Variants in ERBB4 observed in about 807,000 individuals in gnomAD.
The protein encoded by ERBB4 is erb-b2 receptor tyrosine kinase 4.
Under a neutral mutation model 158.0 loss-of-function variants are expected in ERBB4, and 42 were observed. The ratio of observed to expected loss-of-function variants is 0.27; its 90% CI spans 0.21 to 0.34. ERBB4 has a LOEUF of 0.34. Ranked by LOEUF, ERBB4 falls within the 10% of genes least tolerant of loss-of-function variation. ERBB4 has a pLI of 1.00. For missense variants in ERBB4, 1,333 were observed against 1,624.1 expected (o/e 0.82, Z 3.08); for synonymous variants, 583 against 558.7 (o/e 1.04, Z -0.61).
Position 211,551,919 on chromosome 2 carries a change from G to A in ERBB4, c.2487+9984C>T, listed in dbSNP as rs532844460. The stretch of plus-strand genomic sequence containing the variant: ...AAGAAGGTAAATGAAGGCTCTGCTC[G>A]TGTAACATATTCAAGCCTTAAGGAA... On this transcript the variant is annotated intron_variant, in intron 20 of 27. Coordinates refer to ENST00000342788, the MANE Select transcript of ERBB4 (RefSeq NM_005235.3). 3.9e-5 allele frequency among the ~76,000 whole-genome samples: 6 copies of A among 152,278 alleles called. No individual in the cohort carries two copies. In the East Asian group the frequency reaches 9.6e-4, roughly 24 times the overall value.
At chr2:212,152,084 T>C (rs1235067770) in intron 1 of ERBB4, among the ~76,000 whole-genome samples, 3 of 152,186 alleles carry the variant, frequency 2.0e-5, no homozygotes. Context: ...TAGATAAGCA[T>C]ATTTAATAGA....
intron 19 of ERBB4, among the ~76,000 whole-genome samples, chr2:211,596,272 C>G (rs73988610): frequency 0.015 from 2,276 of 151,304 alleles, 69 homozygotes; most frequent in African/African-American, 0.05. Context: ...CTTGCTCTGA[C>G]AAATATCAAA....
At chr2:212,348,314 A>G (rs1198162073) in intron 1 of ERBB4, among the ~76,000 whole-genome samples, 2 of 152,130 alleles carry the variant, frequency 1.3e-5, no homozygotes. Context: ...TAGCTGCTGG[A>G]AAGTGTGGCC....
In ERBB4 at chr2:211,913,817, T is replaced by C. The variant is rs145544650; in HGVS notation, c.421+33613A>G. 6.1e-4 allele frequency among the ~76,000 whole-genome samples: 93 copies of C among 151,236 alleles called. 1 individual carries two copies. In the East Asian group the frequency reaches 0.016, roughly 26 times the overall value. On this transcript the variant is annotated intron_variant, in intron 3 of 27. Coordinates refer to ENST00000342788, the MANE Select transcript of ERBB4 (RefSeq NM_005235.3). ...GACTATGAGTGTATCAATTAGAAAA[T>C]AAACAAAATTAACAAATTTTTCTTT...
intron 1 of ERBB4, among the ~76,000 whole-genome samples, chr2:212,529,666 G>A (rs1692642766): frequency 6.6e-6 from 1 of 152,112 alleles, no homozygotes; most frequent in African/African-American, 2.4e-5. Context: ...GAGCTTATAT[G>A]TATGTGGCAC....
chr2:212,304,106 A>G (rs1228895542), intron 1 of ERBB4, among the ~76,000 whole-genome samples: 3 of 151,564 alleles, frequency 2.0e-5, no homozygotes, highest in Non-Finnish European at 4.4e-5. Flanking sequence ...TTTGTTGTGG[A>G]GAATGTGACT....
chr2:212,165,311 A>AAT (rs148992312), intron 1 of ERBB4, among the ~76,000 whole-genome samples: 16,997 of 150,828 alleles, frequency 0.11, 1,137 homozygotes, highest in Non-Finnish European at 0.15. Context: ...TTTTTGCATT[A>AAT]ATATATATAT....
At chr2:212,495,976 T>C (rs1355484547) in intron 1 of ERBB4, among the ~76,000 whole-genome samples, 1 of 152,136 alleles carries the variant, frequency 6.6e-6, no homozygotes, top group African/African-American at 2.4e-5. Context: ...TATTTCCCTA[T>C]ATTTGGTATT....
intron 1 of ERBB4, among the ~76,000 whole-genome samples, chr2:212,478,904 T>C (rs1272537194): frequency 6.6e-6 from 1 of 152,202 alleles, no homozygotes; most frequent in African/African-American, 2.4e-5. Context: ...TTAGCTTGTC[T>C]TCTTCAGCTC....
chr2:211,516,004 T>C (rs2066021072), intron 20 of ERBB4, among the ~76,000 whole-genome samples: 1 of 145,380 alleles, frequency 6.9e-6, no homozygotes, highest in Non-Finnish European at 1.5e-5. Context: ...AAGCTCTGCC[T>C]CCCAGGTTCA....
In ERBB4 at chr2:212,359,391, T is replaced by C. The variant is rs950717426; in HGVS notation, c.82+179058A>G. ...GCCTGAAGGTTCAGATAGGTTTCTATCAGAAATAAAGTGGAAGGTTTAGAA... is the reference window on the plus strand; with the variant it reads ...GCCTGAAGGTTCAGATAGGTTTCTACCAGAAATAAAGTGGAAGGTTTAGAA... On this transcript the variant is annotated intron_variant, in intron 1 of 27. Transcript: ENST00000342788. Among the ~76,000 whole-genome samples the C allele has an allele frequency of 3.3e-5, 5 of 151,694 alleles. No homozygotes were observed. In the East Asian group the frequency reaches 5.8e-4, roughly 18 times the overall value.
intron 3 of ERBB4, among the ~76,000 whole-genome samples, chr2:211,850,236 C>T (rs1216009528): frequency 1.3e-5 from 2 of 151,778 alleles, no homozygotes; most frequent in African/African-American, 4.8e-5. Context: ...TGGGTTGGTG[C>T]TTAAATTGTA....
chr2:211,646,888 T>C (rs1482035081), intron 16 of ERBB4, among the ~76,000 whole-genome samples: 1 of 151,698 alleles, frequency 6.6e-6, no homozygotes. Context: ...TTGCAAATTA[T>C]TGATGATTTG....
chr2:212,519,587 T>C (rs1200208555), intron 1 of ERBB4, among the ~76,000 whole-genome samples: 2 of 152,016 alleles, frequency 1.3e-5, no homozygotes, highest in Admixed American at 6.6e-5. Context: ...ATACCTAATG[T>C]AGATGACTAT....
chr2:212,328,701 C>T (rs1361029061), intron 1 of ERBB4, among the ~76,000 whole-genome samples: 2 of 151,992 alleles, frequency 1.3e-5, no homozygotes, highest in Admixed American at 6.6e-5. Context: ...TTCTGATACA[C>T]TTCAAGAAAT....
At chr2:211,992,783 C>A (rs1370347127) in intron 2 of ERBB4, among the ~76,000 whole-genome samples, 1 of 152,138 alleles carries the variant, frequency 6.6e-6, no homozygotes, top group East Asian at 1.9e-4. Context: ...ATGCCCCATA[C>A]ACCAGTGTGT....
chr2:211,805,027 C>A (rs916453631), intron 3 of ERBB4, among the ~76,000 whole-genome samples: 1 of 150,384 alleles, frequency 6.6e-6, no homozygotes, highest in Non-Finnish European at 1.5e-5. Flanking sequence ...TCAAGTGATT[C>A]TTCTGCCTTA....
intron 3 of ERBB4, among the ~76,000 whole-genome samples, chr2:211,816,320 C>G (rs893601728): frequency 2.0e-5 from 3 of 151,736 alleles, no homozygotes; most frequent in African/African-American, 4.8e-5. Context: ...GTGGGCAGAT[C>G]ACTTGAGGTC....
intron 20 of ERBB4, among the ~76,000 whole-genome samples, chr2:211,505,509 A>G (rs2065723012): frequency 6.6e-6 from 1 of 150,516 alleles, no homozygotes; most frequent in Admixed American, 6.6e-5. Context: ...AAAAAAAAAC[A>G]TGTAAGTAGA....
Sources: allele counts gnomAD v4.1 joint callset (sites outside exome capture counted in the v4.1 genomes callset), GRCh38; gene constraint gnomAD v4.1.1; transcripts MANE v1.5; gene names NCBI Gene and HGNC (gene_info 2026-07-23, HGNC 2026-07-21).